Variants in PCDH9 observed in about 807,000 individuals in gnomAD.
PCDH9 encodes the protein protocadherin 9.
PCDH9 carries 24 observed loss-of-function variants against 70.6 expected under a neutral mutation model. The observed-to-expected ratio is 0.34, with a 90% confidence interval of 0.25 to 0.48. PCDH9 has a LOEUF of 0.48. PCDH9 is among the 20% of genes least tolerant of loss of function. The pLI is 0.99. For synonymous variants in PCDH9, 562 were observed against 558.5 expected (o/e 1.01, Z -0.09); for missense variants, 1,281 against 1,503.6 (o/e 0.85, Z 2.45).
At chr13:66,909,839 CACAA>C (rs1367714768) in intron 2 of PCDH9, among the ~76,000 whole-genome samples, 2 of 152,166 alleles carry the variant, frequency 1.3e-5, no homozygotes, top group African/African-American at 2.4e-5. Flanking sequence ...TTATCCATTG[CACAA>C]ACAAATAAGC....
intron 4 of PCDH9, among the ~76,000 whole-genome samples, chr13:66,407,363 C>T (rs1237362536): frequency 6.6e-6 from 1 of 152,124 alleles, no homozygotes. Context: ...CAATAAGGGA[C>T]ACAGGTTTGG....
At chr13:66,450,830 A>G (rs568532353) in intron 4 of PCDH9, among the ~76,000 whole-genome samples, 170 of 152,292 alleles carry the variant, frequency 1.1e-3, no homozygotes, top group Non-Finnish European at 1.8e-3. Context: ...CCTGGCTAAC[A>G]TGGTGAAACC....
rs556499224 is a variant in PCDH9, at chr13:67,083,623, G to A, written c.3036+141782C>T. On this transcript the variant is annotated intron_variant, in intron 2 of 4. Transcript: ENST00000377865. The stretch of plus-strand genomic sequence containing the variant: ...CTTTTTAGCTAGTAGTAAAAAAATT[G>A]ACGTGAAAATGGTCAACAGAAAAAC... Among the ~76,000 whole-genome samples the A allele has an allele frequency of 7.9e-5, 12 of 152,134 alleles. No homozygotes were observed. In the East Asian group the frequency reaches 2.1e-3, roughly 27 times the overall value.
chr13:66,824,475 G>A (rs2139388670), intron 3 of PCDH9, among the ~76,000 whole-genome samples: 1 of 148,896 alleles, frequency 6.7e-6, no homozygotes, highest in Non-Finnish European at 1.5e-5. Context: ...GGCCAATGTG[G>A]TGAAACCCCG....
intron 4 of PCDH9, among the ~76,000 whole-genome samples, chr13:66,326,671 A>G (rs894748779): frequency 2.0e-5 from 3 of 152,086 alleles, no homozygotes; most frequent in African/African-American, 2.4e-5. Context: ...CACCTGCCTC[A>G]GCCCTCACAC....
At chr13:67,111,231 A>G (rs933059594) in intron 2 of PCDH9, among the ~76,000 whole-genome samples, 4 of 152,246 alleles carry the variant, frequency 2.6e-5, no homozygotes, top group Non-Finnish European at 4.4e-5. Context: ...AAGTACTTAA[A>G]CCTGGTACAC....
chr13:66,800,202 A>G (rs1445677562), intron 3 of PCDH9, among the ~76,000 whole-genome samples: 2 of 151,866 alleles, frequency 1.3e-5, no homozygotes, highest in South Asian at 4.2e-4. Context: ...CCACCCTTCT[A>G]TCTATTCCCT....
intron 2 of PCDH9, among the ~76,000 whole-genome samples, chr13:66,937,192 A>C (rs1044225515): frequency 6.6e-6 from 1 of 152,210 alleles, no homozygotes; most frequent in African/African-American, 2.4e-5. Flanking sequence ...TACATGCATT[A>C]TCCTATTTGG....
At chr13:66,961,479 A>C (rs997595205) in intron 2 of PCDH9, among the ~76,000 whole-genome samples, 1 of 152,186 alleles carries the variant, frequency 6.6e-6, no homozygotes, top group Non-Finnish European at 1.5e-5. Flanking sequence ...TTCAAAATTT[A>C]AGAAATATTG....
intron 2 of PCDH9, among the ~76,000 whole-genome samples, chr13:67,140,463 A>G (rs2087354255): frequency 6.6e-6 from 1 of 152,216 alleles, no homozygotes; most frequent in African/African-American, 2.4e-5. Context: ...ACAAGTACAT[A>G]CAAATGGTAT....
chr13:66,483,748 C>G (rs1305729593), intron 4 of PCDH9, among the ~76,000 whole-genome samples: 1 of 152,092 alleles, frequency 6.6e-6, no homozygotes, highest in Non-Finnish European at 1.5e-5. Context: ...GACTACAGCT[C>G]CAACCCCACG....
At chr13:66,382,273 A>G (rs1566283819) in intron 4 of PCDH9, among the ~76,000 whole-genome samples, 1 of 152,208 alleles carries the variant, frequency 6.6e-6, no homozygotes, top group Non-Finnish European at 1.5e-5. Context: ...TGATAAGTCA[A>G]ATTGTTTGAA....
chr13:67,023,510 GA>G (rs1205173511), intron 2 of PCDH9, among the ~76,000 whole-genome samples: 1 of 152,144 alleles, frequency 6.6e-6, no homozygotes, highest in Non-Finnish European at 1.5e-5. Context: ...TAATTGAAAT[GA>G]CACCCAATAG....
At chr13:66,428,416 T>TG (rs1488636102) in intron 4 of PCDH9, among the ~76,000 whole-genome samples, 1 of 151,738 alleles carries the variant, frequency 6.6e-6, no homozygotes, top group Non-Finnish European at 1.5e-5. Context: ...TGGAACTAGA[T>TG]GAAGGTCTTA....
intron 4 of PCDH9, among the ~76,000 whole-genome samples, chr13:66,552,174 A>G (rs1485913140): frequency 1.3e-5 from 2 of 152,096 alleles, no homozygotes; most frequent in Admixed American, 1.3e-4. Context: ...TCTATGGCAA[A>G]ACAGTGAGAC....
intron 2 of PCDH9, among the ~76,000 whole-genome samples, chr13:67,169,465 A>G (rs2088215837): frequency 6.6e-6 from 1 of 152,212 alleles, no homozygotes; most frequent in African/African-American, 2.4e-5. Flanking sequence ...TTTAACCCAT[A>G]AAATCATTTC....
At chr13:66,945,540 T>C (rs970736090) in intron 2 of PCDH9, among the ~76,000 whole-genome samples, 11 of 152,182 alleles carry the variant, frequency 7.2e-5, no homozygotes, top group African/African-American at 2.7e-4. Context: ...TCTACGTGTA[T>C]CCATACATTT....
chr13:66,908,776 C>A (rs762397185), intron 2 of PCDH9, among the ~76,000 whole-genome samples: 7 of 151,924 alleles, frequency 4.6e-5, no homozygotes, highest in Non-Finnish European at 8.8e-5. Context: ...TTTTTGTTAT[C>A]TTTAATCATA....
intron 4 of PCDH9, among the ~76,000 whole-genome samples, chr13:66,550,526 T>C (rs1961437908): frequency 6.6e-6 from 1 of 152,096 alleles, no homozygotes; most frequent in African/African-American, 2.4e-5. Context: ...TGACCTCTTC[T>C]TCATTCCCTC....
Sources: gnomAD v4.1 joint callset for allele counts (sites outside exome capture counted in the v4.1 genomes callset) on GRCh38, gnomAD v4.1.1 for gene constraint, MANE v1.5 for transcripts, NCBI Gene and HGNC (gene_info 2026-07-23, HGNC 2026-07-21) for gene names.